Variants in KLK8 observed in about 807,000 individuals in gnomAD.
KLK8 encodes the protein kallikrein-8.
Under a neutral mutation model 26.7 loss-of-function variants are expected in KLK8, and 18 were observed. The observed-to-expected ratio is 0.67, with a 90% CI of 0.47 to 1.00. The LOEUF is 1.00. Among genes scored for constraint, KLK8 ranks in the 50% least tolerant of loss-of-function variants. The pLI is 0.00. For missense variants in KLK8, 301 were observed against 331.7 expected (o/e 0.91, Z 0.72); for synonymous variants, 137 against 127.1 (o/e 1.08, Z -0.52).
chr19:51,001,583 G>A (rs1174952476), exon 2 of KLK8: 1 of 176,172 alleles, frequency 5.7e-6, no homozygotes, highest in African/African-American at 2.4e-5. Context: ...CAGTGGAGGA[G>A]GCCCCAGTAC....
intron 5 of KLK8, among the ~76,000 whole-genome samples, chr19:50,999,735 C>CCATAGGG (rs1370396587): frequency 1.3e-5 from 2 of 151,750 alleles, no homozygotes; most frequent in African/African-American, 4.8e-5. Context: ...ACCAAAGGTC[C>CCATAGGG]CATAGGGTAG....
At chr19:50,998,828 C>A (rs1188173864) in intron 5 of KLK8, 2 of 152,158 alleles carry the variant, frequency 1.3e-5, no homozygotes, top group Admixed American at 6.5e-5. Flanking sequence ...TAACCTGAAC[C>A]CTCACGTAGC....
intron 3 of KLK8, among the ~76,000 whole-genome samples, 196 bp downstream of exon 2, chr19:51,000,902 C>A (rs1157406751): frequency 2.0e-5 from 3 of 152,188 alleles, no homozygotes; most frequent in African/African-American, 7.2e-5. Flanking sequence ...ATCACGGAAC[C>A]TACTCCTACC....
exon 6 of KLK8, chr19:50,997,758 G>A (rs774076468): frequency 6.8e-6 from 11 of 1,613,738 alleles, no homozygotes; most frequent in East Asian, 4.5e-5. Flanking sequence ...CACCTGGCAC[G>A]TGTCAGCCCC....
At chr19:50,996,353 C>T (rs1018942042) in intron 6 of KLK8, 139 bp from the exon 6 acceptor site, 35 of 832,094 alleles carry the variant, frequency 4.2e-5, no homozygotes, top group Admixed American at 2.5e-5. Flanking sequence ...TCCCCTGAGA[C>T]CAGTCAGGAC....
At chr19:50,999,560 T>C (rs576899531) in intron 5 of KLK8, among the ~76,000 whole-genome samples, 81 of 113,496 alleles carry the variant, frequency 7.1e-4, no homozygotes, top group African/African-American at 2.8e-3. Context: ...GCCTGGGCGA[T>C]TGAGTGAAAC....
At chr19:50,997,148 G>C (rs1003111635) in intron 6 of KLK8, among the ~76,000 whole-genome samples, 1 of 152,152 alleles carries the variant, frequency 6.6e-6, no homozygotes, top group Non-Finnish European at 1.5e-5. Context: ...GAAAGTGCTA[G>C]GAACAACGAA....
intron 5 of KLK8, 26 bp downstream of exon 4, chr19:50,999,970 C>G: frequency 1.3e-6 from 2 of 1,568,018 alleles, no homozygotes; most frequent in African/African-American, 2.7e-5. Context: ...CCTCCTCTCC[C>G]TCCCATTAGT....
chr19:50,999,946 T>C (rs199835675), intron 5 of KLK8, 50 bp downstream of exon 4: 61 of 1,538,736 alleles, frequency 4.0e-5, no homozygotes, highest in Non-Finnish European at 4.9e-5. Flanking sequence ...TGGGTTCCAC[T>C]GGGCCAACCA....
At chr19:50,998,573 T>C (rs775388606) in intron 5 of KLK8, among the ~76,000 whole-genome samples, 3 of 152,164 alleles carry the variant, frequency 2.0e-5, no homozygotes, top group Admixed American at 2.0e-4. Flanking sequence ...TTAACCTCTT[T>C]TGAGGAATAG....
chr19:51,001,070 C>G (rs2091220016), intron 3 of KLK8, 28 bp downstream of exon 2: 1 of 1,594,936 alleles, frequency 6.3e-7, no homozygotes, highest in African/African-American at 1.3e-5. Context: ...GATCCCTCCC[C>G]TCCGGAGGCC....
At chr19:50,997,884 T>A in exon 6 of KLK8, 1 of 1,614,124 alleles carries the variant, frequency 6.2e-7, no homozygotes, top group Non-Finnish European at 8.5e-7. Flanking sequence ...AGGAAAATTC[T>A]CTGAGGGGGA....
intron 3 of KLK8, 152 bp downstream of exon 2, chr19:51,000,946 G>C (rs1391636177): frequency 1.7e-5 from 14 of 821,948 alleles, no homozygotes; most frequent in Non-Finnish European, 2.1e-5. Flanking sequence ...TGTCCACCCT[G>C]AGGAAAGCCC....
chr19:50,998,311 C>G (rs2091188828), intron 5 of KLK8, among the ~76,000 whole-genome samples: 1 of 152,174 alleles, frequency 6.6e-6, no homozygotes, highest in Non-Finnish European at 1.5e-5. Context: ...TTAAAAAATA[C>G]CATCCCTCCA....
intron 2 of KLK8, 85 bp from the exon 2 acceptor site, chr19:51,001,260 C>G: frequency 3.4e-6 from 4 of 1,166,428 alleles, no homozygotes; most frequent in Non-Finnish European, 5.0e-6. Flanking sequence ...GGGAGGCAGC[C>G]GAGAGTATCT....
exon 6 of KLK8, chr19:50,997,806 T>C (rs1326920664): frequency 2.5e-6 from 4 of 1,614,096 alleles, no homozygotes; most frequent in African/African-American, 1.3e-5. Flanking sequence ...ATCTGTGATC[T>C]GCCCCGGGTA....
At chr19:50,998,634 C>T (rs746717925) in intron 5 of KLK8, among the ~76,000 whole-genome samples, 41 of 152,198 alleles carry the variant, frequency 2.7e-4, no homozygotes, top group Non-Finnish European at 2.4e-4. Context: ...GGCATCTCTA[C>T]GTGCCAAAAG....
At chr19:51,000,303 C>T (rs1403878918) in intron 4 of KLK8, 45 bp from the exon 4 acceptor site, 1 of 1,547,820 alleles carries the variant, frequency 6.5e-7, no homozygotes, top group Middle Eastern at 1.8e-4. Context: ...GGGTATTGCC[C>T]CCAGCCCCCT....
At chr19:51,000,770 C>A in intron 3 of KLK8, 187 bp from the exon 3 acceptor site, 1 of 1,500,358 alleles carries the variant, frequency 6.7e-7, no homozygotes, top group Non-Finnish European at 8.9e-7. Flanking sequence ...ACAAGAGTCA[C>A]ACACCCAAGA....
Sources: gnomAD v4.1 joint callset for allele counts (sites outside exome capture counted in the v4.1 genomes callset) on GRCh38, gnomAD v4.1.1 for gene constraint, MANE v1.5 for transcripts, NCBI Gene and HGNC (gene_info 2026-07-23, HGNC 2026-07-21) for gene names.